The following DYRK1A variants were observed in gnomAD, a reference collection of about 807,000 sequenced individuals.
The protein encoded by DYRK1A is dual specificity tyrosine-phosphorylation-regulated kinase 1A.
In DYRK1A, 9 loss-of-function variants were observed where a neutral mutation model predicts 79.7. The ratio of observed to expected loss-of-function variants is 0.11; its 90% CI spans 0.07 to 0.20. DYRK1A has a LOEUF of 0.20. Among genes scored for constraint, DYRK1A ranks in the 10% least tolerant of loss-of-function variants. DYRK1A has a pLI of 1.00. For synonymous variants in DYRK1A, 349 were observed against 329.7 expected, an observed-to-expected ratio of 1.06 and a Z score of -0.63; for missense variants, 622 against 956.0, an observed-to-expected ratio of 0.65 and a Z score of 4.61.
chr21:37,492,944 A>G lies in DYRK1A; in HGVS notation c.925-73A>G. 3.9e-6 allele frequency: 5 copies of G among 1,270,936 alleles called. No individual in the cohort carries two copies. The South Asian group carries it at 7.6e-5, about 19-fold the overall frequency. The allele number at this position is 1,270,936 out of a possible 1,614,324, so 78.7% of individuals were successfully genotyped here. A position where few individuals can be genotyped will look rare whatever the true frequency, so the allele number is the denominator to read the frequency against. On this transcript the variant is annotated intron_variant, in intron 7 of 11. Coordinates refer to ENST00000647188, the MANE Select transcript of DYRK1A (RefSeq NM_001347721.2). ...GCCAATTCTTTTCTGTTAATATCAG[A>G]TCAATGTTTTTAATCCAATGCTGAC...
At chr21:37,414,707 T>C (rs906478918) in intron 1 of DYRK1A, among the ~76,000 whole-genome samples, 1 of 152,200 alleles carries the variant, frequency 6.6e-6, no homozygotes, top group African/African-American at 2.4e-5. Flanking sequence ...TTCTAGTGTC[T>C]ACTTGATAGA....
chr21:37,518,530 T>C lies in DYRK1A; in HGVS notation c.*5999T>C, dbSNP rs1569413286. ...CCTGGAGCTCTGTTTTCTGAAACTT[T>C]GCGGGCCATTCTGAACCTGCAGCCA... On this transcript the variant is annotated 3_prime_UTR_variant, in exon 12 of 12. Transcript: ENST00000647188. 6.6e-6 allele frequency: 1 copy of C among 151,938 alleles called. No homozygotes were observed. The highest frequency in any genetic ancestry group is 1.5e-5 in the Non-Finnish European group (1 of 68,032). The allele number at this position is 151,938 out of a possible 1,614,324, so 9.4% of individuals were successfully genotyped here. A position where few individuals can be genotyped will look rare whatever the true frequency, so the allele number is the denominator to read the frequency against.
intron 3 of DYRK1A, among the ~76,000 whole-genome samples, chr21:37,473,842 G>T (rs563969445): frequency 1.3e-5 from 2 of 152,282 alleles, no homozygotes; most frequent in African/African-American, 4.8e-5. Context: ...AAGATTTTAT[G>T]TAGTGAATTG....
At chr21:37,373,577 C>T (rs1335425559) in intron 1 of DYRK1A, among the ~76,000 whole-genome samples, 1 of 152,194 alleles carries the variant, frequency 6.6e-6, no homozygotes, top group East Asian at 1.9e-4. Context: ...TTCCTTCTGT[C>T]TTGTTGCTTT....
chr21:37,381,373 G>C (rs900800453), intron 1 of DYRK1A, among the ~76,000 whole-genome samples: 1 of 152,178 alleles, frequency 6.6e-6, no homozygotes, highest in Non-Finnish European at 1.5e-5. Context: ...CACATGAAAT[G>C]CCTACTATGT....
intron 2 of DYRK1A, among the ~76,000 whole-genome samples, chr21:37,458,160 T>C (rs924711334): frequency 8.5e-5 from 13 of 152,128 alleles, no homozygotes; most frequent in African/African-American, 3.1e-4. Flanking sequence ...CCATTCCCCC[T>C]CTTTTTGTAC....
chr21:37,456,483 G>A (rs540598104), intron 2 of DYRK1A, among the ~76,000 whole-genome samples: 2 of 152,232 alleles, frequency 1.3e-5, no homozygotes, highest in South Asian at 2.1e-4. Context: ...CAGTTTACAC[G>A]GGTGATGAGC....
chr21:37,384,653 C>CA (rs2049724410), intron 1 of DYRK1A, among the ~76,000 whole-genome samples: 1 of 152,098 alleles, frequency 6.6e-6, no homozygotes, highest in Non-Finnish European at 1.5e-5. Flanking sequence ...TGTAAAGAAG[C>CA]AGGTTAACAT....
At chr21:37,409,023 G>C (rs900243406) in intron 1 of DYRK1A, among the ~76,000 whole-genome samples, 2 of 152,146 alleles carry the variant, frequency 1.3e-5, no homozygotes, top group African/African-American at 4.8e-5. Context: ...GTGGTGGGAA[G>C]CTCTGGGGGA....
In DYRK1A at chr21:37,397,114, T is replaced by G. The variant is rs188351194; in HGVS notation, c.-76-23185T>G. ...CTAAGGCCCAGAAGTGGCACTTGTTTTCACATTCTTTCCATGCGAACTTAG... is the reference window on the plus strand; with the variant it reads ...CTAAGGCCCAGAAGTGGCACTTGTTGTCACATTCTTTCCATGCGAACTTAG... On this transcript the variant is annotated intron_variant, in intron 1 of 11. Transcript: ENST00000647188. 3.3e-5 allele frequency among the ~76,000 whole-genome samples: 5 copies of G among 152,326 alleles called. No individual in the cohort carries two copies. In the East Asian group the frequency reaches 5.8e-4, roughly 18 times the overall value.
intron 1 of DYRK1A, among the ~76,000 whole-genome samples, chr21:37,375,385 T>C (rs1378209103): frequency 6.6e-6 from 1 of 152,178 alleles, no homozygotes. Flanking sequence ...AGGTAGTTCT[T>C]GTCCTCAAAT....
chr21:37,420,810 GTTTCT>G (rs1398048369), intron 2 of DYRK1A, among the ~76,000 whole-genome samples: 2 of 152,004 alleles, frequency 1.3e-5, no homozygotes, highest in Non-Finnish European at 1.5e-5. Context: ...CATACATACG[GTTTCT>G]TAAAAAGATA....
At chr21:37,366,211 G>T (rs1300831948), upstream of DYRK1A, 1 of 150,710 alleles carries the variant, frequency 6.6e-6, no homozygotes, top group African/African-American at 2.4e-5. Context: ...GCCCGGGCGC[G>T]CGGGGTGGGC....
intron 11 of DYRK1A, among the ~76,000 whole-genome samples, chr21:37,509,039 T>C (rs928707485): frequency 3.3e-5 from 5 of 152,242 alleles, no homozygotes; most frequent in African/African-American, 1.2e-4. Flanking sequence ...AATCCTTTTT[T>C]GTTACTTAAT....
chr21:37,427,440 G>A (rs922788749), intron 2 of DYRK1A, among the ~76,000 whole-genome samples: 5 of 152,116 alleles, frequency 3.3e-5, no homozygotes, highest in Non-Finnish European at 5.9e-5. Flanking sequence ...ACTTTTTAGT[G>A]TGCTTTTAAA....
rs149451808 is a variant in DYRK1A, at chr21:37,377,020, G to GGT, written c.-77+9405_-77+9406dup. 5.0e-3 allele frequency among the ~76,000 whole-genome samples: 757 copies of GGT among 151,986 alleles called. 4 individuals carry two copies. The highest frequency in any genetic ancestry group is 0.017 in the African/African-American group (693 of 41,478). On this transcript the variant is annotated intron_variant, in intron 1 of 11. Transcript: ENST00000647188. Reference sequence around the variant, plus strand: ...TCCATTATTTTTAAGTGCATAGACAGGTGTGTGTGTGTGTATGTACACAGT... The same window carrying GGT: ...TCCATTATTTTTAAGTGCATAGACAGGTGTGTGTGTGTGTGTATGTACACAGT...
chr21:37,514,821 T>C lies in DYRK1A; in HGVS notation c.*2290T>C, dbSNP rs2053855019. 6.6e-6 allele frequency: 1 copy of C among 152,526 alleles called. No homozygotes were observed. The highest frequency in any genetic ancestry group is 2.4e-5 in the African/African-American group (1 of 41,378). The allele number at this position is 152,526 out of a possible 1,614,324, so 9.4% of individuals were successfully genotyped here. On this transcript the variant is annotated 3_prime_UTR_variant, in exon 12 of 12. Coordinates refer to ENST00000647188, the MANE Select transcript of DYRK1A (RefSeq NM_001347721.2). ...TGTTTAGGAATATAAGGTTAAGATA[T>C]CATATGGGTCAGGTCATTTTTTTTT... is the stretch of plus-strand genomic sequence containing the variant.
upstream of DYRK1A, chr21:37,365,741 A>G: frequency 6.6e-6 from 1 of 152,354 alleles, no homozygotes; most frequent in Non-Finnish European, 1.5e-5. Context: ...ATAGAAAAGA[A>G]AACCAGAGAG....
chr21:37,475,419 T>G (rs1376416189), intron 3 of DYRK1A, among the ~76,000 whole-genome samples: 1 of 152,214 alleles, frequency 6.6e-6, no homozygotes, highest in Non-Finnish European at 1.5e-5. Context: ...AGGGCTGGCC[T>G]TGAGTGTTAG....
Sources: allele counts gnomAD v4.1 joint callset (sites outside exome capture counted in the v4.1 genomes callset), GRCh38; gene constraint gnomAD v4.1.1; transcripts MANE v1.5; gene names NCBI Gene and HGNC (gene_info 2026-07-23, HGNC 2026-07-21).